Variants in MYO10 observed in about 807,000 individuals in gnomAD.
The protein encoded by MYO10 is myosin X.
In MYO10, 133 loss-of-function variants were observed where a neutral mutation model predicts 257.3. The ratio of observed to expected loss-of-function variants is 0.52; its 90% CI spans 0.45 to 0.60. The LOEUF is 0.60. Ranked by LOEUF, MYO10 falls within the 20% of genes least tolerant of loss-of-function variation. MYO10 has a pLI of 0.00. For synonymous variants in MYO10, 1,104 were observed against 1,028.6 expected (o/e 1.07, Z -1.40); for missense variants, 2,399 against 2,635.7 (o/e 0.91, Z 1.97).
intron 3 of MYO10, among the ~76,000 whole-genome samples, chr5:16,806,369 G>A (rs923656238): frequency 2.6e-5 from 4 of 151,484 alleles, no homozygotes; most frequent in Non-Finnish European, 4.4e-5. Context: ...AAAAAAGGCC[G>A]GGTGCGACGG....
chr5:16,918,953 G>C (rs1745903690), intron 1 of MYO10, among the ~76,000 whole-genome samples: 1 of 152,186 alleles, frequency 6.6e-6, no homozygotes, highest in South Asian at 2.1e-4. Flanking sequence ...TCTATTCCTT[G>C]TTCCAGTCAC....
At chr5:16,859,746 A>AAAT (rs946701254) in intron 2 of MYO10, among the ~76,000 whole-genome samples, 4 of 152,004 alleles carry the variant, frequency 2.6e-5, no homozygotes, top group Admixed American at 6.6e-5. Flanking sequence ...CACTAACTCA[A>AAAT]AATAATAATA....
intron 2 of MYO10, 110 bp from the exon 3 acceptor site, chr5:16,818,277 C>A: frequency 1.0e-6 from 1 of 960,196 alleles, no homozygotes; most frequent in Non-Finnish European, 1.5e-6. Context: ...GAAAAAGATT[C>A]TAAATTGGAC....
In MYO10 at chr5:16,913,171, G is replaced by GA. The variant is rs1745715318; in HGVS notation, c.21+22616dup. ...TTCTCACTTCCAAGATTAGGTTATA[G>GA]AGGAAAAAAAAATCATGCTTGGCAT... On this transcript the variant is annotated intron_variant, in intron 1 of 40. Coordinates refer to ENST00000513610, the MANE Select transcript of MYO10 (RefSeq NM_012334.3). Among the ~76,000 whole-genome samples, 7 of 78,384 alleles carry GA rather than the reference G, an allele frequency of 8.9e-5. No individual in the cohort carries two copies. In the South Asian group the frequency reaches 2.4e-3, roughly 26 times the overall value. 51.4% of individuals were successfully genotyped at this position (78,384 alleles called of 152,430 possible). A position where few individuals can be genotyped will look rare whatever the true frequency, so the allele number is the denominator to read the frequency against.
chr5:16,739,148 TAA>T (rs1739921750), intron 19 of MYO10, among the ~76,000 whole-genome samples: 1 of 128,200 alleles, frequency 7.8e-6, no homozygotes, highest in Non-Finnish European at 1.6e-5. Context: ...ATTGTGCTTG[TAA>T]ATAGCCCCTG....
chr5:16,682,160 C>T (rs1252856727), intron 30 of MYO10, 147 bp from the exon 31 acceptor site: 13 of 967,236 alleles, frequency 1.3e-5, no homozygotes, highest in Admixed American at 2.7e-5. Context: ...TTAAGGCAAA[C>T]GTTGCTCATT....
chr5:16,667,129 C>T (rs972180115), intron 40 of MYO10, among the ~76,000 whole-genome samples: 1 of 152,166 alleles, frequency 6.6e-6, no homozygotes, highest in Non-Finnish European at 1.5e-5. Context: ...TTACTATCCC[C>T]GCTTAAAATA....
At chr5:16,669,048 T>C (rs1736314094) in intron 39 of MYO10, among the ~76,000 whole-genome samples, 1 of 151,940 alleles carries the variant, frequency 6.6e-6, no homozygotes, top group Non-Finnish European at 1.5e-5. Context: ...CCTGTACAGA[T>C]TGGTGGAAGA....
At chr5:16,697,151 T>C (rs1460811173) in intron 26 of MYO10, among the ~76,000 whole-genome samples, 2 of 152,060 alleles carry the variant, frequency 1.3e-5, no homozygotes, top group Non-Finnish European at 2.9e-5. Flanking sequence ...CCAAACCTTC[T>C]AGGGGTTTCA....
At chr5:16,718,560 C>T (rs1739002145) in intron 19 of MYO10, among the ~76,000 whole-genome samples, 1 of 151,500 alleles carries the variant, frequency 6.6e-6, no homozygotes, top group Non-Finnish European at 1.5e-5. Context: ...CGTGGAGAAC[C>T]TTTATGTCTA....
chr5:16,792,159 AGAGAGG>A, intron 4 of MYO10, among the ~76,000 whole-genome samples: 3 of 148,506 alleles, frequency 2.0e-5, no homozygotes, highest in African/African-American at 5.1e-5. Flanking sequence ...AGAGAGAGAG[AGAGAGG>A]GAGAGACAGA....
chr5:16,673,587 C>T (rs891586322), intron 36 of MYO10, 95 bp downstream of exon 36: 9 of 1,364,104 alleles, frequency 6.6e-6, no homozygotes, highest in Non-Finnish European at 8.1e-6. Flanking sequence ...TGCAACTGTG[C>T]AGGACAGCCA....
intron 1 of MYO10, among the ~76,000 whole-genome samples, chr5:16,926,832 T>C (rs1270280235): frequency 2.6e-5 from 4 of 152,154 alleles, no homozygotes; most frequent in African/African-American, 4.8e-5. Flanking sequence ...TGCTAAAATA[T>C]GGACAAAAAA....
chr5:16,854,131 A>C (rs1743894008), intron 2 of MYO10: 1 of 152,174 alleles, frequency 6.6e-6, no homozygotes, highest in Admixed American at 6.5e-5. Flanking sequence ...TTCTAACAGC[A>C]TGTAAGAATT....
In MYO10 at chr5:16,663,806, T is replaced by C. The variant is rs1365739574; in HGVS notation, c.*2886A>G. On this transcript the variant is annotated 3_prime_UTR_variant, in exon 41 of 41. Coordinates refer to ENST00000513610, the MANE Select transcript of MYO10 (RefSeq NM_012334.3). ...TGTAACCTGGAGATGATTTAAAGGG[T>C]AAGGAAAGATGTGTGCAGGTTCTAT... The C allele has an allele frequency of 6.7e-6, 1 of 148,532 alleles. No individual in the cohort carries two copies. The highest frequency in any genetic ancestry group is 2.5e-5 in the African/African-American group (1 of 40,102). 9.2% of individuals were successfully genotyped at this position (148,532 alleles called of 1,614,324 possible).
intron 1 of MYO10, among the ~76,000 whole-genome samples, chr5:16,921,814 C>T (rs1413942391): frequency 1.3e-5 from 2 of 152,030 alleles, no homozygotes; most frequent in African/African-American, 2.4e-5. Context: ...GGGTATGATC[C>T]TGGCATCTAG....
rs182237038 is a variant in MYO10 at position 16,749,178 on chromosome 5, G to A, written c.1929+5650C>T. ...CTGGTCTTCAGCCTCCCCCAGCACA[G>A]GCATCTTTCCCTTCTTCCCTTCCGT... On this transcript the variant is annotated intron_variant, in intron 19 of 40. Coordinates refer to ENST00000513610, the MANE Select transcript of MYO10 (RefSeq NM_012334.3). Among the ~76,000 whole-genome samples, 806 of 152,178 alleles carry A rather than the reference G, an allele frequency of 5.3e-3. 1 individual carries two copies. The highest frequency in any genetic ancestry group is 0.019 in the African/African-American group (776 of 41,522).
intron 9 of MYO10, 137 bp downstream of exon 9, chr5:16,779,408 C>T (rs981569359): frequency 2.7e-5 from 15 of 561,152 alleles, no homozygotes; most frequent in Non-Finnish European, 4.4e-5. Flanking sequence ...GAAGGAAATA[C>T]CTGTTCTCAC....
chr5:16,754,813 T>G lies in MYO10; in HGVS notation c.1929+15A>C. 6.3e-7 allele frequency: 1 copy of G among 1,577,080 alleles called. No homozygotes were observed. The highest frequency in any genetic ancestry group is 8.7e-7 in the Non-Finnish European group (1 of 1,154,158). ...CTCGAGACAGATCCCAGCCTAGGAC[T>G]GTCATCAATCTTACCTTCTGCATGT... On this transcript the variant is annotated intron_variant, in intron 19 of 40. Coordinates refer to ENST00000513610, the MANE Select transcript of MYO10 (RefSeq NM_012334.3).
Sources: allele counts gnomAD v4.1 joint callset (sites outside exome capture counted in the v4.1 genomes callset), GRCh38; gene constraint gnomAD v4.1.1; transcripts MANE v1.5; gene names NCBI Gene and HGNC (gene_info 2026-07-23, HGNC 2026-07-21).